The following RPS6KA2 variants were observed in gnomAD, a reference collection of about 807,000 sequenced individuals.
RPS6KA2 encodes the protein ribosomal protein S6 kinase A2.
A neutral mutation model predicts 91.8 loss-of-function variants in RPS6KA2; 42 were observed. The observed-to-expected ratio is 0.46, with a 90% confidence interval of 0.36 to 0.59. The LOEUF (loss-of-function observed/expected upper bound fraction) is 0.59, where lower values mean the gene tolerates loss of function less well. Among genes scored for constraint, RPS6KA2 ranks in the 20% least tolerant of loss-of-function variants. RPS6KA2 has a pLI of 0.00. For missense variants in RPS6KA2, 798 were observed against 978.5 expected, an observed-to-expected ratio of 0.82 and a Z score of 2.46; for synonymous variants, 414 against 393.6, an observed-to-expected ratio of 1.05 and a Z score of -0.61.
Position 166,435,622 on chromosome 6 carries a change from A to T in RPS6KA2, c.1333-3132T>A, listed in dbSNP as rs1779268580. On this transcript the variant is annotated intron_variant, in intron 14 of 20. Transcript: ENST00000265678. The surrounding 1 kb of genome is among the most constrained non-coding windows in gnomAD (Gnocchi z 4.3). Reference sequence around the variant, plus strand: ...CCTGTGGGGACAGGAGCTCATCTGGAGGAGACTCCAAGGGGCCCACGAGTG... The same window carrying T: ...CCTGTGGGGACAGGAGCTCATCTGGTGGAGACTCCAAGGGGCCCACGAGTG... 1.3e-5 allele frequency among the ~76,000 whole-genome samples: 2 copies of T among 152,200 alleles called. No homozygotes were observed. Among genetic ancestry groups the T allele is most frequent in the South Asian group, 4.1e-4 (2 of 4,834 alleles).
chr6:166,703,356 C>A (rs1789585812), intron 2 of RPS6KA2, among the ~76,000 whole-genome samples: 1 of 152,214 alleles, frequency 6.6e-6, no homozygotes, highest in Admixed American at 6.5e-5. Context: ...GAGGGGTGCT[C>A]GCTTTGTTTG....
intron 2 of RPS6KA2, among the ~76,000 whole-genome samples, chr6:166,724,450 A>C (rs1790277886): frequency 1.3e-5 from 2 of 151,926 alleles, no homozygotes; most frequent in South Asian, 2.1e-4. Flanking sequence ...TAAAAAAAAA[A>C]ACACCAAAAT....
chr6:166,805,271 T>C (rs1469646579), intron 2 of RPS6KA2, among the ~76,000 whole-genome samples: 1 of 152,212 alleles, frequency 6.6e-6, no homozygotes, highest in African/African-American at 2.4e-5. Flanking sequence ...GCAAAGAGAA[T>C]ACCGTCCTCC....
At chr6:166,643,445 A>G (rs750963705) in intron 2 of RPS6KA2, among the ~76,000 whole-genome samples, 16 of 152,242 alleles carry the variant, frequency 1.1e-4, no homozygotes, top group Admixed American at 2.0e-4. Context: ...CATAGGATGC[A>G]ACAAGCATTC....
intron 1 of RPS6KA2, among the ~76,000 whole-genome samples, chr6:166,598,528 T>G (rs1394715661): frequency 1.3e-5 from 2 of 152,136 alleles, no homozygotes; most frequent in East Asian, 3.9e-4. Flanking sequence ...GATGGAGAAG[T>G]TGGAATCAGA....
intron 10 of RPS6KA2, among the ~76,000 whole-genome samples, 159 bp from the exon 11 acceptor site, chr6:166,470,064 C>T (rs1047922788): frequency 3.9e-5 from 6 of 152,324 alleles, no homozygotes; most frequent in African/African-American, 1.2e-4. Flanking sequence ...GCGCACCTGC[C>T]GATGCCCCCA....
At chr6:166,746,997 G>A (rs1791033539) in intron 2 of RPS6KA2, among the ~76,000 whole-genome samples, 2 of 152,318 alleles carry the variant, frequency 1.3e-5, no homozygotes, top group South Asian at 4.1e-4. Context: ...CGTGCCCTCT[G>A]GGCAGCACGA....
chr6:166,588,768 C>T (rs1213526323), intron 1 of RPS6KA2, among the ~76,000 whole-genome samples: 1 of 152,178 alleles, frequency 6.6e-6, no homozygotes, highest in Non-Finnish European at 1.5e-5. Context: ...AAGCTCAGGG[C>T]CCGAAGAGAG....
chr6:166,756,841 C>T lies in RPS6KA2; in HGVS notation c.123+101359G>A, dbSNP rs187459508. The stretch of plus-strand genomic sequence containing the variant: ...AGCCTAGGCAACAACAGCGAAACTC[C>T]GTCTCAAAAAATAAAATAAAATAAA... On this transcript the variant is annotated intron_variant, in intron 2 of 21. Transcript: ENST00000503859. Among the ~76,000 whole-genome samples the T allele has an allele frequency of 2.5e-3, 380 of 151,956 alleles. 3 individuals carry two copies. The highest frequency in any genetic ancestry group is 3.4e-3 in the Middle Eastern group (1 of 294).
chr6:166,572,613 T>C (rs1341761341), intron 1 of RPS6KA2, among the ~76,000 whole-genome samples: 3 of 152,216 alleles, frequency 2.0e-5, no homozygotes, highest in African/African-American at 7.2e-5. Flanking sequence ...GCCCTAGTTA[T>C]GGGCTTACAG....
chr6:166,506,756 C>A (rs1010324776), intron 5 of RPS6KA2, among the ~76,000 whole-genome samples: 6 of 151,566 alleles, frequency 4.0e-5, no homozygotes, highest in Non-Finnish European at 5.9e-5. Context: ...TGCAAGACAG[C>A]GGGGTCTCCT....
intron 8 of RPS6KA2, among the ~76,000 whole-genome samples, chr6:166,492,720 C>CTTTTTTTT (rs10533292): frequency 2.1e-5 from 3 of 141,198 alleles, no homozygotes; most frequent in African/African-American, 8.1e-5. Flanking sequence ...TTTTTCTTTT[C>CTTTTTTTT]TTTTTTTTTT....
chr6:166,418,574 G>A lies in RPS6KA2; in HGVS notation c.1821-232C>T, dbSNP rs1246325009. Among the ~76,000 whole-genome samples the A allele has an allele frequency of 6.6e-6, 1 of 152,230 alleles. No homozygotes were observed. The highest frequency in any genetic ancestry group is 1.5e-5 in the Non-Finnish European group (1 of 68,050). On this transcript the variant is annotated intron_variant, in intron 18 of 20. Transcript: ENST00000265678. The surrounding 1 kb of genome is among the most constrained non-coding windows in gnomAD (Gnocchi z 4.9). ...TGATGGGCAAGTGGGAGAGCCCTGT[G>A]AGACCTGTGCTGTATCCCCTCCGGA...
At chr6:166,583,792 A>T (rs1785091535) in intron 1 of RPS6KA2, among the ~76,000 whole-genome samples, 1 of 152,240 alleles carries the variant, frequency 6.6e-6, no homozygotes, top group Admixed American at 6.5e-5. Flanking sequence ...GTACTATGCC[A>T]CAGGAAGAAA....
chr6:166,425,396 T>A lies in RPS6KA2; in HGVS notation c.1582-1979A>T, dbSNP rs192226342. Among the ~76,000 whole-genome samples, 8 of 150,458 alleles carry A rather than the reference T, an allele frequency of 5.3e-5. No homozygotes were observed. The East Asian group carries it at 5.9e-4, about 11-fold the overall frequency. On this transcript the variant is annotated intron_variant, in intron 16 of 20. Transcript: ENST00000265678. ...ACTAGGAAGAAACCGCATCAACTAA[T>A]GAGCAAAATAACCAGCTAACATCGT...
At chr6:166,609,504 T>A (rs893115936) in intron 1 of RPS6KA2, among the ~76,000 whole-genome samples, 2 of 142,382 alleles carry the variant, frequency 1.4e-5, no homozygotes, top group African/African-American at 5.5e-5. Flanking sequence ...ATCAAAAGTT[T>A]AATTTTTTTT....
rs1234536941 is a variant in RPS6KA2, at chr6:166,772,126, T to TA, written c.123+86073_123+86074insT. On this transcript the variant is annotated intron_variant, in intron 2 of 21. Transcript: ENST00000503859. ...ATTTATGTACCTGTTTGTATTGTAC[T>TA]GGGCATGTATGGTGAGCCTATGTGG... 2.4e-3 allele frequency among the ~76,000 whole-genome samples: 368 copies of TA among 152,348 alleles called. 1 individual carries two copies. Among genetic ancestry groups the TA allele is most frequent in the African/African-American group, 8.4e-3 (350 of 41,578 alleles).
chr6:166,753,291 A>G (rs1336284869), intron 2 of RPS6KA2, among the ~76,000 whole-genome samples: 2 of 152,230 alleles, frequency 1.3e-5, no homozygotes, highest in African/African-American at 4.8e-5. Flanking sequence ...CTCTGCTTAT[A>G]CAGCAGCACT....
intron 16 of RPS6KA2, among the ~76,000 whole-genome samples, chr6:166,427,770 G>A (rs902050341): frequency 2.0e-5 from 3 of 152,156 alleles, no homozygotes; most frequent in Admixed American, 6.5e-5. Context: ...TCTTCAAGGA[G>A]AACTACAAAC....
Sources: allele counts gnomAD v4.1 joint callset (sites outside exome capture counted in the v4.1 genomes callset), GRCh38; gene constraint gnomAD v4.1.1; non-coding constraint Gnocchi (gnomAD v3.1); transcripts MANE v1.5; gene names NCBI Gene and HGNC (gene_info 2026-07-23, HGNC 2026-07-21).